Variants in MTHFD2L observed in about 807,000 individuals in gnomAD.
MTHFD2L encodes the protein methylenetetrahydrofolate dehydrogenase (NADP+ dependent) 2 like.
A neutral mutation model predicts 34.9 loss-of-function variants in MTHFD2L; 29 were observed. That is an observed-to-expected ratio of 0.83 (90% CI 0.62 to 1.13). MTHFD2L has a LOEUF of 1.13. Ranked by LOEUF, MTHFD2L falls within the 50% of genes most tolerant of loss-of-function variation. The probability of loss-of-function intolerance (pLI) is 0.00; values close to 1 mark genes in which losing one functional copy is unlikely to be tolerated. For missense variants in MTHFD2L, 481 were observed against 446.5 expected, an observed-to-expected ratio of 1.08 and a Z score of -0.70; for synonymous variants, 167 against 155.7, an observed-to-expected ratio of 1.07 and a Z score of -0.54.
intron 1 of MTHFD2L, among the ~76,000 whole-genome samples, chr4:74,172,805 T>C (rs1728284310): frequency 6.6e-6 from 1 of 152,158 alleles, no homozygotes; most frequent in African/African-American, 2.4e-5. Context: ...TTGCATGAAC[T>C]GAGATGAATG....
At chr4:74,194,505 T>C (rs1211575266) in intron 3 of MTHFD2L, 1 of 152,188 alleles carries the variant, frequency 6.6e-6, no homozygotes, top group East Asian at 1.9e-4. Context: ...TTTGCAGTTG[T>C]TTTCTGTAAG....
intron 7 of MTHFD2L, among the ~76,000 whole-genome samples, chr4:74,291,544 C>T (rs1005323749): frequency 2.0e-5 from 3 of 152,146 alleles, no homozygotes; most frequent in Admixed American, 6.6e-5. Flanking sequence ...ATTGATTCTT[C>T]GTTTATTTAC....
At chr4:74,161,840 C>T (rs1208004017) in intron 1 of MTHFD2L, 1 of 152,136 alleles carries the variant, frequency 6.6e-6, no homozygotes, top group Admixed American at 6.5e-5. Context: ...TTTTCATGGG[C>T]ACGTACTCTT....
intron 2 of MTHFD2L, among the ~76,000 whole-genome samples, chr4:74,117,197 G>A (rs1050333335): frequency 6.6e-6 from 1 of 152,220 alleles, no homozygotes; most frequent in African/African-American, 2.4e-5. Flanking sequence ...GAAACAGTGA[G>A]TCATGGCATG....
intron 6 of MTHFD2L, among the ~76,000 whole-genome samples, chr4:74,274,255 A>G (rs548077623): frequency 1.3e-4 from 20 of 152,342 alleles, no homozygotes; most frequent in Admixed American, 3.9e-4. Context: ...ATAGAGATAT[A>G]TAGTGTAGTT....
At chr4:74,157,913 G>A (rs1037847621), upstream of MTHFD2L, 4 of 720,012 alleles carry the variant, frequency 5.6e-6, no homozygotes, top group East Asian at 8.5e-5. Context: ...CAGAGGGCCC[G>A]GGACTTGGGT....
At chr4:74,221,791 T>A (rs2110111625) in intron 5 of MTHFD2L, among the ~76,000 whole-genome samples, 1 of 149,684 alleles carries the variant, frequency 6.7e-6, no homozygotes, top group South Asian at 2.1e-4. Context: ...CTGTTCTGTT[T>A]ATTGTTTTTA....
intron 1 of MTHFD2L, chr4:74,160,103 C>T (rs186481348): frequency 2.3e-6 from 3 of 1,288,944 alleles, no homozygotes; most frequent in African/African-American, 1.5e-5. Context: ...CCACTGTCTG[C>T]CTCCCCACTT....
chr4:74,227,781 C>T (rs949394142), intron 6 of MTHFD2L, among the ~76,000 whole-genome samples: 6 of 152,118 alleles, frequency 3.9e-5, no homozygotes, highest in African/African-American at 1.4e-4. Flanking sequence ...GGACTGATCA[C>T]ACCTTTAAAA....
upstream of MTHFD2L, among the ~76,000 whole-genome samples, chr4:74,155,463 T>C (rs1406271732): frequency 6.6e-6 from 1 of 152,128 alleles, no homozygotes; most frequent in Non-Finnish European, 1.5e-5. Flanking sequence ...ATATTTTAAT[T>C]GGTGTATTAA....
At chr4:74,279,854 G>A (rs1747201235) in intron 6 of MTHFD2L, among the ~76,000 whole-genome samples, 1 of 152,010 alleles carries the variant, frequency 6.6e-6, no homozygotes, top group Admixed American at 6.6e-5. Flanking sequence ...TCAAACATTG[G>A]TGACTCTTCT....
At chr4:74,128,621 T>C (rs1228347734) in intron 1 of MTHFD2L, among the ~76,000 whole-genome samples, 1 of 152,164 alleles carries the variant, frequency 6.6e-6, no homozygotes, top group Non-Finnish European at 1.5e-5. Flanking sequence ...ACCATACCTT[T>C]GTAGTATGTT....
chr4:74,132,288 A>G (rs1722577298), intron 1 of MTHFD2L, among the ~76,000 whole-genome samples: 1 of 152,212 alleles, frequency 6.6e-6, no homozygotes, highest in Non-Finnish European at 1.5e-5. Context: ...ACACATGCAC[A>G]GGTATGTTTC....
chr4:74,298,694 T>G (rs1253221628), intron 7 of MTHFD2L, among the ~76,000 whole-genome samples: 1 of 152,036 alleles, frequency 6.6e-6, no homozygotes, highest in Non-Finnish European at 1.5e-5. Context: ...GAACTTATAG[T>G]CAAAATGTTG....
At chr4:74,184,949 A>T (rs1730872315) in intron 3 of MTHFD2L, among the ~76,000 whole-genome samples, 1 of 151,992 alleles carries the variant, frequency 6.6e-6, no homozygotes, top group African/African-American at 2.4e-5. Context: ...GTAGATCGAG[A>T]CCGTCCTGGC....
chr4:74,175,996 A>G (rs1373711548), intron 3 of MTHFD2L, among the ~76,000 whole-genome samples: 2 of 152,028 alleles, frequency 1.3e-5, no homozygotes, highest in African/African-American at 4.8e-5. Context: ...ATTCCTTTCA[A>G]AGTTTAGATT....
intron 6 of MTHFD2L, among the ~76,000 whole-genome samples, chr4:74,253,388 G>T (rs1031101214): frequency 2.0e-5 from 3 of 152,178 alleles, no homozygotes; most frequent in Admixed American, 6.5e-5. Flanking sequence ...TCCATTGCAA[G>T]AAAATATCTT....
At chr4:74,240,507 C>A (rs1478659330) in intron 6 of MTHFD2L, among the ~76,000 whole-genome samples, 3 of 151,956 alleles carry the variant, frequency 2.0e-5, no homozygotes, top group Admixed American at 2.0e-4. Context: ...TATAGGAATT[C>A]TATAGATGCA....
Position 74,281,541 on chromosome 4 carries a change from G to T in MTHFD2L, c.922G>T (p.Asp308Tyr). The T allele has an allele frequency of 6.2e-7, 1 of 1,611,738 alleles. No individual in the cohort carries two copies. The highest frequency in any genetic ancestry group is 8.5e-7 in the Non-Finnish European group (1 of 1,178,804). The change falls in exon 7 of 8, where the codon GAC becomes TAC. Residue 308 changes from aspartate (D) to tyrosine (Y), a missense_variant. By Grantham distance (160) the Asp-to-Tyr change is radical (BLOSUM62 -3). Coordinates refer to ENST00000325278, the MANE Select transcript of MTHFD2L (RefSeq NM_001144978.3). ...TGKTKLVGDV[D>Y]FEAVKKKAGF... Reference sequence around the variant, plus strand: ...AAAGACAAAATTAGTTGGAGATGTGGACTTCGAAGGTAATAAACCAATATC... The same window carrying T: ...AAAGACAAAATTAGTTGGAGATGTGTACTTCGAAGGTAATAAACCAATATC...
Sources: gnomAD v4.1 joint callset for allele counts (sites outside exome capture counted in the v4.1 genomes callset) on GRCh38, gnomAD v4.1.1 for gene constraint, MANE v1.5 for transcripts, NCBI Gene and HGNC (gene_info 2026-07-23, HGNC 2026-07-21) for gene names.